The following TET3 variants were observed in gnomAD, a reference collection of about 807,000 sequenced individuals.
TET3 encodes tet methylcytosine dioxygenase 3, also known as methylcytosine dioxygenase TET3.
Under a neutral mutation model 141.4 loss-of-function variants are expected in TET3, and 19 were observed. The ratio of observed to expected loss-of-function variants is 0.13; its 90% CI spans 0.09 to 0.20. TET3 has a LOEUF of 0.20. TET3 is among the 10% of genes least tolerant of loss of function. The pLI is 1.00. For missense variants in TET3, 1,874 were observed against 2,356.9 expected, an observed-to-expected ratio of 0.80 and a Z score of 4.24; for synonymous variants, 1,043 against 980.9, an observed-to-expected ratio of 1.06 and a Z score of -1.18.
chr2:74,045,615 A>G (rs1018236285), intron 3 of TET3, among the ~76,000 whole-genome samples: 1 of 152,228 alleles, frequency 6.6e-6, no homozygotes, highest in African/African-American at 2.4e-5. Context: ...CTGACCTGGC[A>G]TGGGGCTAAA....
chr2:74,036,856 C>G (rs1687090901), intron 3 of TET3, among the ~76,000 whole-genome samples: 1 of 152,136 alleles, frequency 6.6e-6, no homozygotes, highest in Non-Finnish European at 1.5e-5. Flanking sequence ...ATATGATGAC[C>G]TCAGGGAATT....
intron 10 of TET3, among the ~76,000 whole-genome samples, chr2:74,094,396 A>C (rs1037361722): frequency 2.0e-5 from 3 of 152,156 alleles, no homozygotes; most frequent in African/African-American, 7.2e-5. Context: ...AGAGGCCTGC[A>C]GGGACCAGCT....
At chr2:74,098,631 G>A (rs1306477303) in intron 10 of TET3, among the ~76,000 whole-genome samples, 1 of 143,584 alleles carries the variant, frequency 7.0e-6, no homozygotes, top group Non-Finnish European at 1.5e-5. Flanking sequence ...TTTCACTCTT[G>A]TTGCCCAGGC....
chr2:74,044,283 A>C (rs1687496549), intron 3 of TET3, among the ~76,000 whole-genome samples: 1 of 152,340 alleles, frequency 6.6e-6, no homozygotes, highest in Non-Finnish European at 1.5e-5. Flanking sequence ...AGAATTTAAA[A>C]ATTTATAGAA....
intron 4 of TET3, among the ~76,000 whole-genome samples, chr2:74,071,609 C>G (rs887609192): frequency 1.3e-5 from 2 of 152,174 alleles, no homozygotes; most frequent in Non-Finnish European, 2.9e-5. Flanking sequence ...AACGTTGGTA[C>G]AATACTGTTA....
intron 3 of TET3, among the ~76,000 whole-genome samples, chr2:74,025,084 C>T (rs553668729): frequency 3.3e-5 from 5 of 151,346 alleles, no homozygotes; most frequent in South Asian, 4.2e-4. Context: ...GTTAGCCGGG[C>T]GTGGTGGCGG....
intron 3 of TET3, among the ~76,000 whole-genome samples, chr2:74,038,990 C>G (rs1267611713): frequency 6.6e-6 from 1 of 152,160 alleles, no homozygotes. Context: ...CTGCTAGTGC[C>G]TTAGTTCAGG....
chr2:74,119,683 T>C, the TET3 span, among the ~76,000 whole-genome samples: 2 of 152,230 alleles, frequency 1.3e-5, no homozygotes, highest in Admixed American at 6.5e-5. Context: ...CTATTCCCAG[T>C]CTTTCACCTA....
At chr2:74,097,112 G>T (rs201842198) in intron 10 of TET3, among the ~76,000 whole-genome samples, 1 of 47,902 alleles carries the variant, frequency 2.1e-5, no homozygotes, top group East Asian at 5.3e-4. Flanking sequence ...AGAAGAAAAA[G>T]AAAAAAAAAA....
chr2:74,110,580 A>T (rs1691679189), downstream of TET3, among the ~76,000 whole-genome samples: 1 of 152,200 alleles, frequency 6.6e-6, no homozygotes, highest in African/African-American at 2.4e-5. Context: ...CATGAACACA[A>T]CATAGAAGAC....
chr2:74,047,969 G>T lies in TET3; in HGVS notation c.2052G>T (p.Arg684Ser). Residue 684 changes from arginine (R) to serine (S), a missense_variant, in exon 4 of 12, where the codon AGG becomes AGT. Arg to Ser is a moderately radical substitution (Grantham distance 110). This residue lies in a region of TET3 where 484 missense variants were observed against 462.2 expected (regional missense o/e 1.05). Coordinates refer to ENST00000409262, the MANE Select transcript of TET3 (RefSeq NM_001287491.2). Reference protein sequence around the residue: ...DSLLPPTQEMRSPSPMTALQP... With the variant: ...DSLLPPTQEMSSPSPMTALQP... The stretch of plus-strand genomic sequence containing the variant: ...TGCTGCCCCCTACTCAGGAAATGAG[G>T]TCCCCCAGCCCCATGACAGCCTTGC... 9 of 1,612,110 alleles carry T rather than the reference G, an allele frequency of 5.6e-6. No homozygotes were observed. The highest frequency in any genetic ancestry group is 7.6e-6 in the Non-Finnish European group (9 of 1,179,054).
In TET3 at chr2:74,107,331, G is replaced by T. The variant is rs1269283826; in HGVS notation, c.*5155G>T. ...AGTTGCTTTTTGCCTAAGAATCAGC[G>T]AGCGATTTGGCCTACTTCCTCATTG... is the stretch of plus-strand genomic sequence containing the variant. On this transcript the variant is annotated 3_prime_UTR_variant, in exon 12 of 12. Transcript: ENST00000409262. 3.9e-5 allele frequency: 6 copies of T among 152,232 alleles called. No homozygotes were observed. Among genetic ancestry groups the T allele is most frequent in the African/African-American group, 1.4e-4 (6 of 41,454 alleles). The allele number at this position is 152,232 out of a possible 1,614,324, so 9.4% of individuals were successfully genotyped here.
intron 4 of TET3, among the ~76,000 whole-genome samples, chr2:74,054,453 T>G (rs769182661): frequency 6.6e-6 from 1 of 152,144 alleles, no homozygotes; most frequent in African/African-American, 2.4e-5. Flanking sequence ...AGGTTAGAAA[T>G]ACTGGGAGGG....
chr2:74,114,525 T>C, the TET3 span, among the ~76,000 whole-genome samples: 1 of 152,176 alleles, frequency 6.6e-6, no homozygotes, highest in Non-Finnish European at 1.5e-5. Flanking sequence ...ATGTTCTGTA[T>C]ATTTTACCAC....
chr2:74,061,364 G>GC (rs1688539975), intron 4 of TET3, among the ~76,000 whole-genome samples: 1 of 141,834 alleles, frequency 7.1e-6, no homozygotes. Context: ...CTGGCCGGGT[G>GC]GGGGGCTGAC....
intron 4 of TET3, among the ~76,000 whole-genome samples, chr2:74,065,807 G>A (rs1688869004): frequency 6.7e-6 from 1 of 150,360 alleles, no homozygotes; most frequent in Non-Finnish European, 1.5e-5. Flanking sequence ...TCTCAAGGCT[G>A]GAGTGCAGTG....
intron 3 of TET3, among the ~76,000 whole-genome samples, chr2:74,034,550 A>G (rs1177881344): frequency 1.3e-5 from 2 of 150,404 alleles, no homozygotes; most frequent in Admixed American, 6.6e-5. Context: ...ACTCAGTAGG[A>G]CATATGTAGT....
In TET3 at chr2:74,073,551, C is replaced by A. The variant is rs749402121; in HGVS notation, c.2497C>A (p.Gln833Lys). The A allele has an allele frequency of 6.2e-7, 1 of 1,604,942 alleles. No individual in the cohort carries two copies. Among genetic ancestry groups the A allele is most frequent in the South Asian group, 1.1e-5 (1 of 88,568 alleles). Residue 833 changes from glutamine to lysine, a missense_variant and splice_region_variant, in exon 5 of 12, where the codon CAA becomes AAA. This residue lies in a region of TET3 where 83 missense variants were observed against 107.0 expected (regional missense o/e 0.78). Coordinates refer to ENST00000409262, the MANE Select transcript of TET3 (RefSeq NM_001287491.2). ...GTTTACTCTCTGTGTTTCTGCAGAACAAATAGTGGAGAAAGATGAAGGTCC... is the reference window on the plus strand; with the variant it reads ...GTTTACTCTCTGTGTTTCTGCAGAAAAAATAGTGGAGAAAGATGAAGGTCC... Reference protein sequence around the residue: ...AEFPTCDCVEQIVEKDEGPYY... With the variant: ...AEFPTCDCVEKIVEKDEGPYY...
intron 5 of TET3, among the ~76,000 whole-genome samples, chr2:74,074,161 C>T (rs924895094): frequency 2.0e-5 from 3 of 152,294 alleles, no homozygotes; most frequent in South Asian, 2.1e-4. Flanking sequence ...TGGACAGGAT[C>T]GTAGGAGTGT....
Sources: allele counts gnomAD v4.1 joint callset (sites outside exome capture counted in the v4.1 genomes callset), GRCh38; gene constraint gnomAD v4.1.1; regional missense constraint gnomAD v4.1.1; transcripts MANE v1.5; gene names NCBI Gene and HGNC (gene_info 2026-07-23, HGNC 2026-07-21).